The following ANGPT1 variants were observed in gnomAD, a reference collection of about 807,000 sequenced individuals.
ANGPT1 encodes angiopoietin-1.
ANGPT1 carries 17 observed loss-of-function variants against 62.2 expected under a neutral mutation model. The ratio of observed to expected loss-of-function variants is 0.27; its 90% CI spans 0.19 to 0.41. ANGPT1 has a LOEUF of 0.41. Among genes scored for constraint, ANGPT1 ranks in the 10% least tolerant of loss-of-function variants. The pLI, the probability that ANGPT1 is intolerant of heterozygous loss-of-function variation, is 1.00. For missense variants in ANGPT1, 478 were observed against 594.9 expected, an observed-to-expected ratio of 0.80 and a Z score of 2.04; for synonymous variants, 199 against 198.9, an observed-to-expected ratio of 1.00 and a Z score of 0.00.
intron 3 of ANGPT1, among the ~76,000 whole-genome samples, chr8:107,335,442 A>C (rs1268001639): frequency 1.3e-5 from 2 of 152,236 alleles, no homozygotes; most frequent in South Asian, 2.1e-4. Flanking sequence ...CAGTGTTTTG[A>C]ATTGTTCATC....
intron 1 of ANGPT1, among the ~76,000 whole-genome samples, chr8:107,454,466 T>A (rs1031755736): frequency 2.6e-5 from 4 of 152,120 alleles, no homozygotes; most frequent in Non-Finnish European, 5.9e-5. Flanking sequence ...TACCTGGTAG[T>A]GTTAGAGGCA....
chr8:107,433,075 T>A (rs948273613), intron 1 of ANGPT1, among the ~76,000 whole-genome samples: 1 of 152,166 alleles, frequency 6.6e-6, no homozygotes, highest in Admixed American at 6.5e-5. Flanking sequence ...TTTCCCCTCT[T>A]TTTTTTGTAA....
At chr8:107,255,785 T>C (rs1813344679) in intron 8 of ANGPT1, among the ~76,000 whole-genome samples, 1 of 141,860 alleles carries the variant, frequency 7.0e-6, no homozygotes. Context: ...TATTACAGCC[T>C]GTAAAATCCT....
At chr8:107,292,784 C>A (rs1412215000) in intron 6 of ANGPT1, among the ~76,000 whole-genome samples, 2 of 152,122 alleles carry the variant, frequency 1.3e-5, no homozygotes, top group African/African-American at 4.8e-5. Flanking sequence ...CAACTATGAG[C>A]CTATTAATGG....
At position 107,420,309 on chromosome 8, in the gene ANGPT1, C is replaced by T. The variant is rs529107243; in HGVS notation, c.298-73212G>A. Among the ~76,000 whole-genome samples the T allele has an allele frequency of 2.0e-5, 3 of 152,226 alleles. No individual in the cohort carries two copies. The East Asian group carries it at 5.8e-4, about 29-fold the overall frequency. ...GTGAACCTGTGCTTCAAGCCTCCCC[C>T]AGTTCAATGTAAAAAGTGTTTCTAA... On this transcript the variant is annotated intron_variant, in intron 1 of 8. Coordinates refer to ENST00000517746, the MANE Select transcript of ANGPT1 (RefSeq NM_001146.5).
intron 1 of ANGPT1, among the ~76,000 whole-genome samples, chr8:107,454,088 C>T (rs899979265): frequency 6.6e-5 from 10 of 151,916 alleles, no homozygotes; most frequent in African/African-American, 2.2e-4. Context: ...ATGAAAAGAC[C>T]GCTGCCTAAA....
chr8:107,264,549 G>T lies in ANGPT1; in HGVS notation c.1206-198C>A, dbSNP rs139728325. Among the ~76,000 whole-genome samples the T allele has an allele frequency of 3.0e-3, 464 of 152,178 alleles. 4 individuals carry two copies. Among genetic ancestry groups the T allele is most frequent in the African/African-American group, 0.01 (434 of 41,496 alleles). ...GGAAAAAGTTTATTTCATTATGCAT[G>T]CTCAAACTCATGTGGTTCTCTGATA... On this transcript the variant is annotated intron_variant, in intron 7 of 8. Transcript: ENST00000517746.
At chr8:107,428,863 A>T (rs573168848) in intron 1 of ANGPT1, among the ~76,000 whole-genome samples, 15 of 152,192 alleles carry the variant, frequency 9.9e-5, no homozygotes, top group Non-Finnish European at 1.6e-4. Context: ...CATTCATCCT[A>T]TTATTGTCTT....
At chr8:107,252,144 G>A (rs1563534630) in intron 8 of ANGPT1, 129 bp from the exon 9 acceptor site, 24 of 924,790 alleles carry the variant, frequency 2.6e-5, no homozygotes, top group South Asian at 8.5e-5. Flanking sequence ...TTGCAATTAC[G>A]AGGCATCAGT....
At chr8:107,475,248 T>C (rs1057480694) in intron 1 of ANGPT1, among the ~76,000 whole-genome samples, 9 of 151,820 alleles carry the variant, frequency 5.9e-5, no homozygotes, top group Admixed American at 2.0e-4. Context: ...TATAGGCCAA[T>C]GGAACAGAAC....
intron 1 of ANGPT1, among the ~76,000 whole-genome samples, chr8:107,456,370 G>A (rs1811917232): frequency 6.6e-6 from 1 of 151,962 alleles, no homozygotes; most frequent in African/African-American, 2.4e-5. Context: ...CAAGGCCTGA[G>A]TAAAAAGCAT....
At chr8:107,356,079 A>G (rs1382727336) in intron 1 of ANGPT1, among the ~76,000 whole-genome samples, 1 of 152,214 alleles carries the variant, frequency 6.6e-6, no homozygotes, top group African/African-American at 2.4e-5. Flanking sequence ...CTAAGTAAGA[A>G]ATATCATATT....
chr8:107,450,968 T>C (rs1193767623), intron 1 of ANGPT1, among the ~76,000 whole-genome samples: 1 of 151,790 alleles, frequency 6.6e-6, no homozygotes, highest in Non-Finnish European at 1.5e-5. Context: ...CTTCTACATA[T>C]TTACTAGAAC....
intron 3 of ANGPT1, among the ~76,000 whole-genome samples, chr8:107,332,268 A>G (rs1815440756): frequency 6.6e-6 from 1 of 152,186 alleles, no homozygotes; most frequent in South Asian, 2.1e-4. Flanking sequence ...TTGGTTGTGT[A>G]ATTCCAATTA....
At chr8:107,384,690 G>A (rs1276194418) in intron 1 of ANGPT1, among the ~76,000 whole-genome samples, 1 of 152,070 alleles carries the variant, frequency 6.6e-6, no homozygotes. Context: ...TCCTCATGAA[G>A]TCTTTGCCCA....
At chr8:107,362,258 C>T (rs558837279) in intron 1 of ANGPT1, among the ~76,000 whole-genome samples, 1 of 152,138 alleles carries the variant, frequency 6.6e-6, no homozygotes, top group East Asian at 1.9e-4. Context: ...CTTGCTTAGT[C>T]CCTGGCAAGT....
At chr8:107,468,796 T>C (rs1011541202) in intron 1 of ANGPT1, among the ~76,000 whole-genome samples, 2 of 152,036 alleles carry the variant, frequency 1.3e-5, no homozygotes, top group Non-Finnish European at 2.9e-5. Flanking sequence ...TCAAATCACA[T>C]AGAGTTCACA....
intron 5 of ANGPT1, among the ~76,000 whole-genome samples, chr8:107,299,584 G>T (rs1027122331): frequency 7.4e-6 from 1 of 135,946 alleles, no homozygotes; most frequent in Admixed American, 7.5e-5. Context: ...AGCATATATA[G>T]ATATAGACAG....
intron 1 of ANGPT1, among the ~76,000 whole-genome samples, chr8:107,403,689 A>G (rs1817090797): frequency 6.6e-6 from 1 of 152,160 alleles, no homozygotes. Context: ...ACTATCTGTT[A>G]TTTTTAAATT....
Sources: allele counts gnomAD v4.1 joint callset (sites outside exome capture counted in the v4.1 genomes callset), GRCh38; gene constraint gnomAD v4.1.1; transcripts MANE v1.5; gene names NCBI Gene and HGNC (gene_info 2026-07-23, HGNC 2026-07-21).